Variants in TTLL11 observed in about 807,000 individuals in gnomAD.
TTLL11 encodes the protein tubulin polyglutamylase TTLL11.
TTLL11 carries 42 observed loss-of-function variants against 51.7 expected under a neutral mutation model. That is an observed-to-expected ratio of 0.81 (90% CI 0.64 to 1.05). TTLL11 has a LOEUF of 1.05. Ranked by LOEUF, TTLL11 falls within the 50% of genes least tolerant of loss-of-function variation. The pLI is 0.00. For missense variants in TTLL11, 799 were observed against 940.4 expected (o/e 0.85, Z 1.97); for synonymous variants, 381 against 383.5 (o/e 0.99, Z 0.08).
intron 6 of TTLL11, among the ~76,000 whole-genome samples, chr9:121,932,777 G>T (rs1211444172): frequency 6.6e-6 from 1 of 152,088 alleles, no homozygotes; most frequent in African/African-American, 2.4e-5. Flanking sequence ...ACTTCAAGAG[G>T]ATGGAGCTCC....
intron 8 of TTLL11, among the ~76,000 whole-genome samples, chr9:121,852,464 C>T (rs1392697626): frequency 6.6e-6 from 1 of 152,172 alleles, no homozygotes; most frequent in Non-Finnish European, 1.5e-5. Context: ...GCTGCTGTTC[C>T]TACAAGATCT....
chr9:121,826,205 T>C lies in TTLL11; in HGVS notation c.1841-3326A>G, dbSNP rs1173488925. 1.3e-4 allele frequency among the ~76,000 whole-genome samples: 15 copies of C among 113,542 alleles called. 3 individuals carry two copies. The highest frequency in any genetic ancestry group is 3.5e-4 in the African/African-American group (9 of 25,594). The allele number at this position is 113,542 out of a possible 152,430, so 74.5% of individuals were successfully genotyped here. ...TAACCTATATATATATATATATATA[T>C]ATATATATATATGCACACATATATA... On this transcript the variant is annotated intron_variant, in intron 8 of 8. Transcript: ENST00000321582.
chr9:122,007,716 A>C (rs1588200348), intron 3 of TTLL11, among the ~76,000 whole-genome samples: 1 of 152,224 alleles, frequency 6.6e-6, no homozygotes, highest in Non-Finnish European at 1.5e-5. Context: ...AAGGGAAGAT[A>C]GAGGTAGATA....
chr9:121,846,728 A>C (rs1180188976), intron 8 of TTLL11, among the ~76,000 whole-genome samples: 1 of 152,222 alleles, frequency 6.6e-6, no homozygotes, highest in African/African-American at 2.4e-5. Context: ...AAAATATTTT[A>C]AACTAGGCGA....
chr9:121,874,402 A>G (rs1838486493), intron 6 of TTLL11, among the ~76,000 whole-genome samples: 4 of 152,246 alleles, frequency 2.6e-5, no homozygotes, highest in South Asian at 2.1e-4. Context: ...AAAGATTATA[A>G]TAGTAAGTCA....
intron 8 of TTLL11, among the ~76,000 whole-genome samples, chr9:121,844,872 G>C (rs4436194): frequency 0.67 from 101,444 of 151,386 alleles, 34,406 homozygotes; most frequent in East Asian, 0.79. Context: ...CAGGAACAGT[G>C]GGACAATGAC....
chr9:122,006,151 C>A (rs931449369), intron 3 of TTLL11, among the ~76,000 whole-genome samples: 1 of 152,138 alleles, frequency 6.6e-6, no homozygotes, highest in Non-Finnish European at 1.5e-5. Context: ...ACCAGCCTGG[C>A]CAACATGGTG....
In TTLL11 at chr9:121,870,542, T is replaced by G. The variant is rs1299216881; in HGVS notation, c.1688A>C (p.Lys563Thr). ...TGTTGGCCCCAACTTCATTGTCCCC[T>G]TGATGCCCAGGAACCGGATAAACAA... is the stretch of plus-strand genomic sequence containing the variant. ...ANLFIRFLGI[K>T]GTMKLGPTGF... The change falls in exon 7 of 9, where the codon AAG (lysine) becomes ACG (threonine). Residue 563 changes from lysine (K) to threonine (T), a missense_variant. By Grantham distance (78) the Lys-to-Thr change is moderately conservative. Around this residue, in one of 3 missense-constraint regions of TTLL11, gnomAD observed 468 missense variants for 612.8 expected, o/e 0.76. Coordinates refer to ENST00000321582, the MANE Select transcript of TTLL11 (RefSeq NM_001139442.2). 6.4e-7 allele frequency: 1 copy of G among 1,551,668 alleles called. No homozygotes were observed. The highest frequency in any genetic ancestry group is 2.0e-5 in the Admixed American group (1 of 51,006).
chr9:122,034,753 C>A (rs184284427), intron 2 of TTLL11, among the ~76,000 whole-genome samples: 1 of 152,138 alleles, frequency 6.6e-6, no homozygotes, highest in Non-Finnish European at 1.5e-5. Context: ...ATCCAGGGCA[C>A]GCGTTCCCAG....
At chr9:121,842,238 G>A (rs529392973) in intron 8 of TTLL11, among the ~76,000 whole-genome samples, 45 of 143,446 alleles carry the variant, frequency 3.1e-4, no homozygotes, top group Non-Finnish European at 6.2e-4. Flanking sequence ...TGATCTTTAG[G>A]GCTCCCTCTC....
At chr9:121,826,417 TATATATATGGGTTTTAC>T (rs1836774922) in intron 8 of TTLL11, among the ~76,000 whole-genome samples, 1 of 134,664 alleles carries the variant, frequency 7.4e-6, no homozygotes, top group Non-Finnish European at 1.6e-5. Context: ...ATATATGGGT[TATATATATGGGTTTTAC>T]ATATATATGG....
chr9:121,834,215 T>C (rs936211928), intron 8 of TTLL11, among the ~76,000 whole-genome samples: 1 of 152,138 alleles, frequency 6.6e-6, no homozygotes, highest in African/African-American at 2.4e-5. Context: ...GCAGCCCAGC[T>C]CCCTGTCTGC....
intron 1 of TTLL11, among the ~76,000 whole-genome samples, chr9:122,068,369 T>C (rs890367596): frequency 1.3e-5 from 2 of 152,236 alleles, no homozygotes; most frequent in African/African-American, 2.4e-5. Flanking sequence ...TGGGATGTAC[T>C]GGTCTACTAT....
chr9:121,818,617 G>T lies in TTLL11; in HGVS notation c.*3970C>A. On this transcript the variant is annotated 3_prime_UTR_variant, in exon 9 of 9. Coordinates refer to ENST00000321582, the MANE Select transcript of TTLL11 (RefSeq NM_001139442.2). ...TTCTTGGAAGTAGATGGAAGGAACC[G>T]CTCACTCTGTTTGGGGGATTGCAGC... is the stretch of plus-strand genomic sequence containing the variant. The T allele has an allele frequency of 6.6e-6, 1 of 152,420 alleles. No individual in the cohort carries two copies. The allele number at this position is 152,420 out of a possible 1,614,324, so 9.4% of individuals were successfully genotyped here. A position where few individuals can be genotyped will look rare whatever the true frequency, so the allele number is the denominator to read the frequency against.
At position 121,822,555 on chromosome 9, in the gene TTLL11, G is replaced by A. The variant is rs970956122; in HGVS notation, c.*32C>T. Reference sequence around the variant, plus strand: ...CGCTCCAGCCCTGAAAGCTGCTCTCGTCTTCCGTTTTCCAGGAGGACAGAG... The same window carrying A: ...CGCTCCAGCCCTGAAAGCTGCTCTCATCTTCCGTTTTCCAGGAGGACAGAG... On this transcript the variant is annotated 3_prime_UTR_variant, in exon 9 of 9. Transcript: ENST00000321582. The surrounding 1 kb of genome is among the most constrained non-coding windows in gnomAD (Gnocchi z 5.8). 13 of 1,424,734 alleles carry A rather than the reference G, an allele frequency of 9.1e-6. No individual in the cohort carries two copies. Among genetic ancestry groups the A allele is most frequent in the African/African-American group, 8.8e-5 (6 of 68,328 alleles). The allele number at this position is 1,424,734 out of a possible 1,614,324, so 88.3% of individuals were successfully genotyped here. A position where few individuals can be genotyped will look rare whatever the true frequency, so the allele number is the denominator to read the frequency against.
At chr9:121,882,690 C>G (rs1362659792) in intron 6 of TTLL11, among the ~76,000 whole-genome samples, 1 of 152,162 alleles carries the variant, frequency 6.6e-6, no homozygotes, top group African/African-American at 2.4e-5. Context: ...TGCCACCTCT[C>G]TGTGTCTGGG....
chr9:121,837,597 CT>C (rs1212171044), intron 8 of TTLL11, among the ~76,000 whole-genome samples: 2 of 152,134 alleles, frequency 1.3e-5, no homozygotes, highest in Non-Finnish European at 2.9e-5. Context: ...AGTTTCTCCC[CT>C]GCTCCTGAAT....
chr9:122,012,555 A>G (rs1284768806), intron 3 of TTLL11, among the ~76,000 whole-genome samples: 1 of 152,166 alleles, frequency 6.6e-6, no homozygotes, highest in Admixed American at 6.5e-5. Flanking sequence ...GATTTAAAAC[A>G]TTAAATGTAT....
chr9:122,067,739 G>A (rs910657710), intron 1 of TTLL11, among the ~76,000 whole-genome samples: 8 of 152,184 alleles, frequency 5.3e-5, no homozygotes, highest in African/African-American at 1.4e-4. Flanking sequence ...CTGACCTCAC[G>A]TGATCCACCC....
Sources: allele counts gnomAD v4.1 joint callset (sites outside exome capture counted in the v4.1 genomes callset), GRCh38; gene constraint gnomAD v4.1.1; regional missense constraint gnomAD v4.1.1; non-coding constraint Gnocchi (gnomAD v3.1); transcripts MANE v1.5; gene names NCBI Gene and HGNC (gene_info 2026-07-23, HGNC 2026-07-21).